Variants in SDK1 observed in about 807,000 individuals in gnomAD.
The protein encoded by SDK1 is protein sidekick-1.
Under a neutral mutation model 245.5 loss-of-function variants are expected in SDK1, and 157 were observed. The ratio of observed to expected loss-of-function variants is 0.64; its 90% CI spans 0.56 to 0.73. The LOEUF is 0.73. SDK1 is among the 30% of genes least tolerant of loss of function. The probability of loss-of-function intolerance (pLI) is 0.00; values close to 1 mark genes in which losing one functional copy is unlikely to be tolerated. For missense variants in SDK1, 3,583 were observed against 3,002.3 expected (o/e 1.19, Z -4.52); for synonymous variants, 1,647 against 1,278.5 (o/e 1.29, Z -6.15).
intron 5 of SDK1, among the ~76,000 whole-genome samples, chr7:3,859,615 C>T (rs1479390282): frequency 6.6e-6 from 1 of 152,158 alleles, no homozygotes; most frequent in Non-Finnish European, 1.5e-5. Context: ...ACATTATCAA[C>T]AGACAAAGAA....
intron 1 of SDK1, among the ~76,000 whole-genome samples, chr7:3,561,020 C>T (rs1267393960): frequency 3.3e-5 from 5 of 152,174 alleles, no homozygotes; most frequent in African/African-American, 4.8e-5. Context: ...GCACTTATCA[C>T]ATCTAACATA....
intron 13 of SDK1, among the ~76,000 whole-genome samples, chr7:3,986,295 A>T (rs780576001): frequency 6.6e-6 from 1 of 151,784 alleles, no homozygotes; most frequent in African/African-American, 2.4e-5. Flanking sequence ...TACCATTTCC[A>T]TGGGATTTTA....
intron 13 of SDK1, among the ~76,000 whole-genome samples, chr7:3,984,901 T>C (rs1783706295): frequency 6.6e-6 from 1 of 152,212 alleles, no homozygotes; most frequent in Non-Finnish European, 1.5e-5. Flanking sequence ...TGCAGGCCAG[T>C]GCATTTTCCC....
At chr7:3,539,622 G>C (rs1778996666) in intron 1 of SDK1, among the ~76,000 whole-genome samples, 2 of 152,252 alleles carry the variant, frequency 1.3e-5, no homozygotes, top group Admixed American at 1.3e-4. Context: ...TCAAAACCTT[G>C]CATCTGACAT....
intron 11 of SDK1, among the ~76,000 whole-genome samples, chr7:3,971,263 T>G (rs1782465401): frequency 6.6e-6 from 1 of 152,142 alleles, no homozygotes; most frequent in African/African-American, 2.4e-5. Context: ...GTGGGTGGGT[T>G]GACAGACTGC....
At chr7:4,188,888 C>G (rs1016230174) in intron 35 of SDK1, among the ~76,000 whole-genome samples, 1 of 152,152 alleles carries the variant, frequency 6.6e-6, no homozygotes, top group Non-Finnish European at 1.5e-5. Flanking sequence ...TGAAGACATT[C>G]CTTCGTTCCA....
intron 1 of SDK1, among the ~76,000 whole-genome samples, chr7:3,506,522 A>G (rs1231689811): frequency 6.6e-6 from 1 of 152,150 alleles, no homozygotes; most frequent in East Asian, 1.9e-4. Context: ...GTATTTTCAA[A>G]TGCTTTACTC....
At chr7:3,522,401 C>G (rs1166431454) in intron 1 of SDK1, among the ~76,000 whole-genome samples, 4 of 152,184 alleles carry the variant, frequency 2.6e-5, no homozygotes, top group East Asian at 1.9e-4. Flanking sequence ...AGACAATGCC[C>G]AATCACTGTG....
chr7:3,510,878 C>T (rs1239665527), intron 1 of SDK1, among the ~76,000 whole-genome samples: 1 of 152,190 alleles, frequency 6.6e-6, no homozygotes, highest in African/African-American at 2.4e-5. Context: ...TGTCTGCTGG[C>T]CCTGCAGCCG....
At chr7:3,767,993 CTG>C (rs1263199634) in intron 4 of SDK1, among the ~76,000 whole-genome samples, 1 of 152,190 alleles carries the variant, frequency 6.6e-6, no homozygotes, top group Non-Finnish European at 1.5e-5. Context: ...TACGTAGGTG[CTG>C]TTACTTTCAT....
At chr7:4,036,755 T>A (rs1451285606) in intron 17 of SDK1, among the ~76,000 whole-genome samples, 6 of 152,114 alleles carry the variant, frequency 3.9e-5, no homozygotes, top group Non-Finnish European at 8.8e-5. Context: ...CATATGAGAT[T>A]ACAGTTAGAA....
chr7:3,628,009 A>G (rs1334598585), intron 2 of SDK1, among the ~76,000 whole-genome samples: 1 of 152,060 alleles, frequency 6.6e-6, no homozygotes, highest in Non-Finnish European at 1.5e-5. Flanking sequence ...CTCCCTATTC[A>G]AAGTTAAGGA....
chr7:3,383,402 C>G (rs1781537611), intron 1 of SDK1, among the ~76,000 whole-genome samples: 1 of 152,140 alleles, frequency 6.6e-6, no homozygotes, highest in South Asian at 2.1e-4. Context: ...CAGCGAGACC[C>G]TGTTTCTATT....
intron 19 of SDK1, among the ~76,000 whole-genome samples, chr7:4,067,356 G>T (rs58608919): frequency 6.6e-6 from 1 of 152,020 alleles, no homozygotes; most frequent in African/African-American, 2.4e-5. Context: ...TCAGGATACC[G>T]ATTGGGTTTG....
chr7:3,459,118 G>C (rs771813944), intron 1 of SDK1, among the ~76,000 whole-genome samples: 1 of 152,122 alleles, frequency 6.6e-6, no homozygotes. Context: ...TTATAGTATT[G>C]TATCTTCTAA....
At chr7:3,952,000 C>A in intron 7 of SDK1, 80 bp downstream of exon 7, 6 of 1,323,432 alleles carry the variant, frequency 4.5e-6, no homozygotes, top group East Asian at 2.4e-5. Context: ...AACAAAATAG[C>A]GTATTTCAGT....
In SDK1 at chr7:4,126,444, G is replaced by A. The variant is rs369207475; in HGVS notation, c.3824-937G>A. Among the ~76,000 whole-genome samples, 8 of 152,226 alleles carry A rather than the reference G, an allele frequency of 5.3e-5. No individual in the cohort carries two copies. The East Asian group carries it at 7.7e-4, about 15-fold the overall frequency. ...AAGAAAATGATCTTACATGTGGGCCGGGAGTGGTGGCTCACGCCTGTAATC... is the reference window on the plus strand; with the variant it reads ...AAGAAAATGATCTTACATGTGGGCCAGGAGTGGTGGCTCACGCCTGTAATC... On this transcript the variant is annotated intron_variant, in intron 25 of 44. Transcript: ENST00000404826.
chr7:4,219,918 A>T (rs4723495), intron 38 of SDK1, among the ~76,000 whole-genome samples, 191 bp from the exon 39 acceptor site: 79,193 of 151,350 alleles, frequency 0.52, 21,477 homozygotes, highest in African/African-American at 0.65. Flanking sequence ...CCCACTTACC[A>T]AGCTTAAGCT....
At chr7:3,763,647 T>C (rs1415442999) in intron 4 of SDK1, among the ~76,000 whole-genome samples, 1 of 152,190 alleles carries the variant, frequency 6.6e-6, no homozygotes, top group Non-Finnish European at 1.5e-5. Flanking sequence ...ATATTGAACA[T>C]AAAACACATA....
Sources: gnomAD v4.1 joint callset for allele counts (sites outside exome capture counted in the v4.1 genomes callset) on GRCh38, gnomAD v4.1.1 for gene constraint, MANE v1.5 for transcripts, NCBI Gene and HGNC (gene_info 2026-07-23, HGNC 2026-07-21) for gene names.